PKP4: variants seen among roughly 807,000 people sequenced by gnomAD.
The protein encoded by PKP4 is plakophilin-4.
In PKP4, 90 loss-of-function variants were observed where a neutral mutation model predicts 145.1. The observed-to-expected ratio is 0.62, with a 90% CI of 0.52 to 0.74. The LOEUF (loss-of-function observed/expected upper bound fraction) is 0.74, where lower values mean the gene tolerates loss of function less well. PKP4 is among the 30% of genes least tolerant of loss of function. The pLI is 0.00. For missense variants in PKP4, 1,340 were observed against 1,482.7 expected (o/e 0.90, Z 1.58); for synonymous variants, 563 against 577.2 (o/e 0.98, Z 0.35).
intron 1 of PKP4, among the ~76,000 whole-genome samples, chr2:158,492,006 G>T (rs986219414): frequency 2.0e-5 from 3 of 152,020 alleles, no homozygotes; most frequent in Non-Finnish European, 4.4e-5. Flanking sequence ...ATGATGTCTC[G>T]CTATCTTGGC....
intron 2 of PKP4, among the ~76,000 whole-genome samples, chr2:158,566,970 G>A (rs931537094): frequency 2.6e-5 from 4 of 152,162 alleles, no homozygotes; most frequent in African/African-American, 9.7e-5. Context: ...TTCAAAAGTG[G>A]CATGCTAAGG....
intron 1 of PKP4, among the ~76,000 whole-genome samples, chr2:158,476,176 G>A (rs1343346373): frequency 3.3e-5 from 5 of 152,126 alleles, no homozygotes; most frequent in Admixed American, 6.5e-5. Context: ...GTACACATGC[G>A]ATTGTATCTT....
intron 3 of PKP4, among the ~76,000 whole-genome samples, chr2:158,596,836 CT>C (rs1183416276): frequency 6.6e-6 from 1 of 152,140 alleles, no homozygotes; most frequent in African/African-American, 2.4e-5. Context: ...TTCCCAACCC[CT>C]TACGGTTTTT....
chr2:158,487,075 A>G (rs1694270578), intron 1 of PKP4, among the ~76,000 whole-genome samples: 1 of 152,198 alleles, frequency 6.6e-6, no homozygotes, highest in Non-Finnish European at 1.5e-5. Context: ...TATATAAAGC[A>G]TACCTATAAA....
At chr2:158,661,309 C>T in intron 12 of PKP4, 24 bp from the exon 13 acceptor site, 4 of 1,547,328 alleles carry the variant, frequency 2.6e-6, no homozygotes, top group Non-Finnish European at 1.8e-6. Flanking sequence ...ATCTCAGCAG[C>T]TCCTCCTGTC....
chr2:158,658,445 C>T, intron 12 of PKP4, 131 bp downstream of exon 12: 1 of 592,824 alleles, frequency 1.7e-6, no homozygotes, highest in Non-Finnish European at 2.9e-6. Flanking sequence ...ATTTAGGCCA[C>T]TGGACTTTGT....
intron 1 of PKP4, among the ~76,000 whole-genome samples, chr2:158,514,608 GA>G (rs1385782850): frequency 1.3e-5 from 2 of 152,202 alleles, no homozygotes; most frequent in African/African-American, 2.4e-5. Context: ...TTAAAATCAA[GA>G]GGTTTTTTTT....
chr2:158,502,898 T>C (rs1008464242), intron 1 of PKP4, among the ~76,000 whole-genome samples: 14 of 152,230 alleles, frequency 9.2e-5, no homozygotes, highest in African/African-American at 3.1e-4. Flanking sequence ...AAAATAAACT[T>C]TGGACACAAA....
intron 2 of PKP4, among the ~76,000 whole-genome samples, chr2:158,536,287 A>G (rs2044035894): frequency 6.6e-6 from 1 of 152,242 alleles, no homozygotes; most frequent in Non-Finnish European, 1.5e-5. Flanking sequence ...AATTTTATGT[A>G]TATGTTATGA....
At chr2:158,669,094 G>A (rs1469050295) in intron 16 of PKP4, 2 of 152,096 alleles carry the variant, frequency 1.3e-5, no homozygotes, top group African/African-American at 4.8e-5. Flanking sequence ...TTATTCCTGG[G>A]AGATAACATA....
intron 12 of PKP4, chr2:158,660,512 A>T (rs1231994571): frequency 6.6e-6 from 1 of 152,622 alleles, no homozygotes; most frequent in African/African-American, 2.4e-5. Flanking sequence ...GAGGCAGGGC[A>T]GATGAGAGCC....
At chr2:158,551,757 C>T (rs913543072) in intron 2 of PKP4, among the ~76,000 whole-genome samples, 4 of 152,150 alleles carry the variant, frequency 2.6e-5, no homozygotes. Flanking sequence ...GTTAATTATA[C>T]TTATTCGTAA....
intron 4 of PKP4, among the ~76,000 whole-genome samples, chr2:158,616,901 C>G (rs1385901086): frequency 6.6e-6 from 1 of 152,144 alleles, no homozygotes; most frequent in Non-Finnish European, 1.5e-5. Context: ...GCCTTAGACT[C>G]TTTTACTAAG....
chr2:158,480,528 C>T lies in PKP4; in HGVS notation c.-6+23310C>T, dbSNP rs191561739. ...GCTGGATTACAGGTGTGAGCCACCG[C>T]GCCTGGCCTCTGGGATTCTTTTTTT... On this transcript the variant is annotated intron_variant, in intron 1 of 21. Transcript: ENST00000389759. 5.9e-4 allele frequency among the ~76,000 whole-genome samples: 89 copies of T among 151,092 alleles called. No homozygotes were observed. The East Asian group carries it at 0.011, about 19-fold the overall frequency.
rs943487270 is a variant in PKP4, at chr2:158,506,778, T to C, written c.-5-26402T>C. On this transcript the variant is annotated intron_variant, in intron 1 of 21. Coordinates refer to ENST00000389759, the MANE Select transcript of PKP4 (RefSeq NM_003628.6). ...ATATTCTAAAATTCTGAAGAGAATA[T>C]GAACGGATTGTTGGAATGGAACTTT... Among the ~76,000 whole-genome samples the C allele has an allele frequency of 9.8e-5, 15 of 152,382 alleles. No individual in the cohort carries two copies. The East Asian group carries it at 1.3e-3, about 14-fold the overall frequency.
At chr2:158,669,953 T>C in intron 17 of PKP4, 38 bp downstream of exon 17, 2 of 1,512,138 alleles carry the variant, frequency 1.3e-6, no homozygotes, top group South Asian at 1.2e-5. Context: ...AGTGCTCTTA[T>C]TCCTGAGATT....
At chr2:158,555,464 C>T (rs2046009503) in intron 2 of PKP4, among the ~76,000 whole-genome samples, 1 of 152,228 alleles carries the variant, frequency 6.6e-6, no homozygotes, top group African/African-American at 2.4e-5. Flanking sequence ...ACACACACCA[C>T]TGGATAGCTC....
intron 2 of PKP4, among the ~76,000 whole-genome samples, chr2:158,534,459 C>T (rs78499448): frequency 0.2 from 29,963 of 152,058 alleles, 3,804 homozygotes; most frequent in Middle Eastern, 0.35. Flanking sequence ...ATAGTCAGTA[C>T]AATTTTCATC....
chr2:158,632,994 A>G (rs945135073), intron 8 of PKP4, among the ~76,000 whole-genome samples: 5 of 152,374 alleles, frequency 3.3e-5, no homozygotes, highest in Admixed American at 6.5e-5. Flanking sequence ...CATTTTAAAT[A>G]CAGTGTAGAG....
Sources: allele counts gnomAD v4.1 joint callset (sites outside exome capture counted in the v4.1 genomes callset), GRCh38; gene constraint gnomAD v4.1.1; transcripts MANE v1.5; gene names NCBI Gene and HGNC (gene_info 2026-07-23, HGNC 2026-07-21).